LSAMP: variants seen among roughly 807,000 people sequenced by gnomAD.
The protein encoded by LSAMP is limbic system associated membrane protein.
Under a neutral mutation model 38.6 loss-of-function variants are expected in LSAMP, and 7 were observed. The observed-to-expected ratio is 0.18, with a 90% CI of 0.10 to 0.34. LSAMP has a LOEUF of 0.34. Among genes scored for constraint, LSAMP ranks in the 10% least tolerant of loss-of-function variants. The pLI is 1.00. For missense variants in LSAMP, 313 were observed against 420.0 expected (o/e 0.75, Z 2.23); for synonymous variants, 154 against 166.8 (o/e 0.92, Z 0.59).
At chr3:116,065,923 T>G (rs1376848320) in intron 2 of LSAMP, among the ~76,000 whole-genome samples, 1 of 152,224 alleles carries the variant, frequency 6.6e-6, no homozygotes, top group African/African-American at 2.4e-5. Context: ...ATTTTATCTA[T>G]ACTAGGGATG....
intron 3 of LSAMP, among the ~76,000 whole-genome samples, chr3:115,935,657 C>T (rs2107548651): frequency 6.6e-6 from 1 of 152,238 alleles, no homozygotes; most frequent in Admixed American, 6.5e-5. Flanking sequence ...ACCTCTGCAC[C>T]TTTTGTCTTT....
At chr3:116,100,396 C>A (rs1293796541) in intron 1 of LSAMP, among the ~76,000 whole-genome samples, 1 of 151,964 alleles carries the variant, frequency 6.6e-6, no homozygotes, top group Admixed American at 6.6e-5. Flanking sequence ...ATTCTTATTT[C>A]CTTCTTTTTC....
chr3:116,381,711 A>G (rs150338280), intron 1 of LSAMP, among the ~76,000 whole-genome samples: 1 of 152,088 alleles, frequency 6.6e-6, no homozygotes. Context: ...TAGAGAGTGC[A>G]TTCCTTCCAC....
chr3:115,844,966 G>A (rs1224539300), intron 4 of LSAMP, among the ~76,000 whole-genome samples: 1 of 152,200 alleles, frequency 6.6e-6, no homozygotes, highest in Non-Finnish European at 1.5e-5. Flanking sequence ...AACACAGCAA[G>A]ACCCTGTCTC....
chr3:115,850,933 G>A (rs373366459), intron 4 of LSAMP, among the ~76,000 whole-genome samples: 3 of 151,390 alleles, frequency 2.0e-5, no homozygotes, highest in African/African-American at 7.3e-5. Context: ...GGTTTAAAAT[G>A]GCTGTGGGGA....
intron 2 of LSAMP, among the ~76,000 whole-genome samples, chr3:116,063,682 A>T (rs769262782): frequency 3.0e-4 from 45 of 152,218 alleles, no homozygotes; most frequent in Non-Finnish European, 4.4e-4. Flanking sequence ...ATGATGAGGT[A>T]CAAAGATTAT....
intron 6 of LSAMP, among the ~76,000 whole-genome samples, chr3:115,818,750 AAAT>A (rs1934113336): frequency 7.4e-6 from 1 of 134,758 alleles, no homozygotes; most frequent in Non-Finnish European, 1.6e-5. Context: ...TATATATAAT[AAAT>A]TATATATATA....
At chr3:116,381,395 G>A (rs572117013) in intron 1 of LSAMP, among the ~76,000 whole-genome samples, 88 of 152,122 alleles carry the variant, frequency 5.8e-4, no homozygotes, top group Non-Finnish European at 9.9e-4. Context: ...CCTCATTGAG[G>A]GTTGTATATG....
rs1933590118 is a variant in LSAMP, at chr3:115,804,637, T to A, written c.*5680A>T. The A allele has an allele frequency of 6.6e-6, 1 of 152,196 alleles. No individual in the cohort carries two copies. The highest frequency in any genetic ancestry group is 2.4e-5 in the African/African-American group (1 of 41,466). 9.4% of individuals were successfully genotyped at this position (152,196 alleles called of 1,614,324 possible). A position where few individuals can be genotyped will look rare whatever the true frequency, so the allele number is the denominator to read the frequency against. On this transcript the variant is annotated 3_prime_UTR_variant, in exon 7 of 7. Transcript: ENST00000490035. ...TAGTGCATTTAAAGCCTGAAGTTAA[T>A]TTGACCTAAAATTTTTATAAGTCTT... is the stretch of plus-strand genomic sequence containing the variant.
chr3:115,895,485 T>G (rs1478769143), intron 3 of LSAMP, among the ~76,000 whole-genome samples: 1 of 152,016 alleles, frequency 6.6e-6, no homozygotes, highest in Non-Finnish European at 1.5e-5. Flanking sequence ...GTTTCCAGAT[T>G]TAGTAAACAA....
chr3:115,904,692 T>A (rs1288525857), intron 3 of LSAMP, among the ~76,000 whole-genome samples: 3 of 152,120 alleles, frequency 2.0e-5, no homozygotes, highest in African/African-American at 7.2e-5. Context: ...CACTCAGGGT[T>A]TCTTCATTAT....
At chr3:115,812,968 A>G (rs1338370201) in intron 6 of LSAMP, among the ~76,000 whole-genome samples, 1 of 152,212 alleles carries the variant, frequency 6.6e-6, no homozygotes, top group Non-Finnish European at 1.5e-5. Flanking sequence ...ATGTTCACAT[A>G]TAACATTCTT....
At chr3:116,074,622 G>C (rs1707692334) in intron 2 of LSAMP, among the ~76,000 whole-genome samples, 1 of 152,086 alleles carries the variant, frequency 6.6e-6, no homozygotes, top group South Asian at 2.1e-4. Context: ...AGATATAAAA[G>C]TGTCAGTTTT....
chr3:115,885,480 G>C (rs971228810), intron 3 of LSAMP, among the ~76,000 whole-genome samples: 1 of 151,888 alleles, frequency 6.6e-6, no homozygotes, highest in Non-Finnish European at 1.5e-5. Context: ...TAGTGGGGAA[G>C]CTAGGTTATA....
At position 116,209,997 on chromosome 3, in the gene LSAMP, G is replaced by A. The variant is rs1031093004; in HGVS notation, c.156-123441C>T. Reference sequence around the variant, plus strand: ...TCTCCATCTCTTGACTTCGTGATCCGCCCACCTCGGCCTCGCAAAGTCCTG... The same window carrying A: ...TCTCCATCTCTTGACTTCGTGATCCACCCACCTCGGCCTCGCAAAGTCCTG... On this transcript the variant is annotated intron_variant, in intron 1 of 6. Transcript: ENST00000490035. 5.9e-5 allele frequency among the ~76,000 whole-genome samples: 9 copies of A among 152,074 alleles called. No homozygotes were observed. The South Asian group carries it at 8.3e-4, about 14-fold the overall frequency.
At chr3:115,889,318 G>C (rs1936535801) in intron 3 of LSAMP, among the ~76,000 whole-genome samples, 1 of 151,956 alleles carries the variant, frequency 6.6e-6, no homozygotes, top group African/African-American at 2.4e-5. Flanking sequence ...TGGGTGATGT[G>C]TTGGTGAATT....
chr3:116,339,189 T>TGTAA (rs1051577844), intron 1 of LSAMP, among the ~76,000 whole-genome samples: 1 of 151,962 alleles, frequency 6.6e-6, no homozygotes, highest in African/African-American at 2.4e-5. Flanking sequence ...TAGAGAGTGG[T>TGTAA]GTAAGTAAAA....
rs1342170246 is a variant in LSAMP at position 115,912,266 on chromosome 3, AC to A, written c.515-59650del. ...TGAAGACTTTTTTCTAAAAAGTTTTACAGTTTTACATTTACATTTAAGTCTG... is the reference window on the plus strand; with the variant it reads ...TGAAGACTTTTTTCTAAAAAGTTTTAAGTTTTACATTTACATTTAAGTCTG... On this transcript the variant is annotated intron_variant, in intron 3 of 6. Coordinates refer to ENST00000490035, the MANE Select transcript of LSAMP (RefSeq NM_002338.5). 9.2e-5 allele frequency among the ~76,000 whole-genome samples: 14 copies of A among 152,340 alleles called. 1 individual carries two copies. The East Asian group carries it at 2.7e-3, about 29-fold the overall frequency.
chr3:115,998,664 C>G lies in LSAMP; in HGVS notation c.514+20851G>C, dbSNP rs189955783. Among the ~76,000 whole-genome samples the G allele has an allele frequency of 6.6e-3, 1,002 of 152,158 alleles. 5 individuals carry two copies. Among genetic ancestry groups the G allele is most frequent in the African/African-American group, 0.022 (914 of 41,504 alleles). On this transcript the variant is annotated intron_variant, in intron 3 of 6. Transcript: ENST00000490035. ...CTAAGATCACCAGGTGACTGATATGCAGGTGAAGTTTGAGACACACAAGTC... is the reference window on the plus strand; with the variant it reads ...CTAAGATCACCAGGTGACTGATATGGAGGTGAAGTTTGAGACACACAAGTC...
Sources: gnomAD v4.1 joint callset for allele counts (sites outside exome capture counted in the v4.1 genomes callset) on GRCh38, gnomAD v4.1.1 for gene constraint, MANE v1.5 for transcripts, NCBI Gene and HGNC (gene_info 2026-07-23, HGNC 2026-07-21) for gene names.